Variants in MBOAT7 observed in about 807,000 individuals in gnomAD.
MBOAT7 encodes membrane-bound acylglycerophosphatidylinositol O-acyltransferase MBOAT7.
MBOAT7 carries 40 observed loss-of-function variants against 47.4 expected under a neutral mutation model. The observed-to-expected ratio is 0.84, with a 90% CI of 0.66 to 1.10. The LOEUF (loss-of-function observed/expected upper bound fraction) is 1.10. MBOAT7 is among the 50% of genes least tolerant of loss of function. MBOAT7 has a pLI of 0.00. For missense variants in MBOAT7, 680 were observed against 655.6 expected, an observed-to-expected ratio of 1.04 and a Z score of -0.41; for synonymous variants, 361 against 292.0, an observed-to-expected ratio of 1.24 and a Z score of -2.41.
rs756906134 is a variant in MBOAT7 at position 54,174,079 on chromosome 19, T to TGGGCTGGGATGCTGCCTTCCGC, written c.1362_1383dup (p.Thr462AlafsTer61). ...CGGAGCTTCTCCGGGGCAAGGCTGG[T>TGGGCTGGGATGCTGCCTTCCGC]GGGCTGGGATGCTGCCTTCCGCCGG... On this transcript the variant is annotated frameshift_variant, in exon 8 of 8. Coordinates refer to ENST00000245615, the MANE Select transcript of MBOAT7 (RefSeq NM_024298.5). LOFTEE classifies it high-confidence loss of function. 2.1e-5 allele frequency: 34 copies of TGGGCTGGGATGCTGCCTTCCGC among 1,605,830 alleles called. No individual in the cohort carries two copies. The highest frequency in any genetic ancestry group is 2.7e-5 in the Non-Finnish European group (32 of 1,177,122).
intron 7 of MBOAT7, among the ~76,000 whole-genome samples, chr19:54,177,498 T>G (rs1360361145): frequency 6.6e-6 from 1 of 151,984 alleles, no homozygotes; most frequent in Non-Finnish European, 1.5e-5. Flanking sequence ...GGTTTCACCG[T>G]GTTAGCCAGG....
At chr19:54,174,516 C>A in intron 7 of MBOAT7, 85 bp from the exon 8 acceptor site, 1 of 1,358,338 alleles carries the variant, frequency 7.4e-7, no homozygotes, top group Non-Finnish European at 9.7e-7. Flanking sequence ...AGGACCCCAG[C>A]CCCTCCTCCC....
At chr19:54,179,167 C>T in intron 6 of MBOAT7, 1 of 593,722 alleles carries the variant, frequency 1.7e-6, no homozygotes, top group Non-Finnish European at 2.9e-6. Context: ...CAATGGGGTT[C>T]TTCTTCTTTT....
chr19:54,183,081 A>T (rs2076332959), intron 5 of MBOAT7, among the ~76,000 whole-genome samples: 1 of 152,126 alleles, frequency 6.6e-6, no homozygotes, highest in South Asian at 2.1e-4. Flanking sequence ...GGCCAAGTTG[A>T]TCTTGAACTT....
rs2075984546 is a variant in MBOAT7, at chr19:54,173,830, A to G, written c.*214T>C. 3.7e-6 allele frequency: 2 copies of G among 534,356 alleles called. No individual in the cohort carries two copies. Among genetic ancestry groups the G allele is most frequent in the Non-Finnish European group, 6.4e-6 (2 of 311,872 alleles). 33.1% of individuals were successfully genotyped at this position (534,356 alleles called of 1,614,324 possible). ...AGGGGCCAGTGACTCTTGTCTGGAC[A>G]ATACTTTGATTTTGTAGGAGTGGAG... is the stretch of plus-strand genomic sequence containing the variant. On this transcript the variant is annotated 3_prime_UTR_variant, in exon 8 of 8. Coordinates refer to ENST00000245615, the MANE Select transcript of MBOAT7 (RefSeq NM_024298.5).
chr19:54,183,470 A>G lies in MBOAT7; in HGVS notation c.493+51T>C, dbSNP rs768196544. 3.2e-6 allele frequency: 5 copies of G among 1,582,756 alleles called. No homozygotes were observed. The South Asian group carries it at 4.6e-5, about 15-fold the overall frequency. On this transcript the variant is annotated intron_variant, in intron 5 of 7. Transcript: ENST00000245615. Reference sequence around the variant, plus strand: ...AACACAGAACAGGCACTCAGGGCGGAAGGGGACACAGGAGACAGAGCGGCA... The same window carrying G: ...AACACAGAACAGGCACTCAGGGCGGGAGGGGACACAGGAGACAGAGCGGCA...
At chr19:54,178,539 G>A in intron 7 of MBOAT7, 1 of 1,423,102 alleles carries the variant, frequency 7.0e-7, no homozygotes, top group Non-Finnish European at 9.1e-7. Context: ...TCTGCTGAGT[G>A]AGGCTGACTT....
chr19:54,177,605 T>G (rs145131791), intron 7 of MBOAT7, among the ~76,000 whole-genome samples: 240 of 150,022 alleles, frequency 1.6e-3, no homozygotes, highest in Non-Finnish European at 2.9e-3. Context: ...TATTTTATTT[T>G]ATTTTGAGAC....
chr19:54,180,110 G>GT lies in MBOAT7; in HGVS notation c.854+662dup, dbSNP rs2076221690. On this transcript the variant is annotated intron_variant, in intron 6 of 7. Coordinates refer to ENST00000245615, the MANE Select transcript of MBOAT7 (RefSeq NM_024298.5). The surrounding 1 kb of genome is among the most constrained non-coding windows in gnomAD (Gnocchi z 5.2). Reference sequence around the variant, plus strand: ...GAGGTTTGGCTTCCTTAGCAACAGTGTAACTGTAGTTGGTAGGAATGGCGT... The same window carrying GT: ...GAGGTTTGGCTTCCTTAGCAACAGTGTTAACTGTAGTTGGTAGGAATGGCGT... 1 of 152,202 alleles carries GT rather than the reference G, an allele frequency of 6.6e-6. No individual in the cohort carries two copies. Among genetic ancestry groups the GT allele is most frequent in the South Asian group, 2.1e-4 (1 of 4,834 alleles). The allele number at this position is 152,202 out of a possible 1,614,324, so 9.4% of individuals were successfully genotyped here.
chr19:54,178,391 A>G, intron 7 of MBOAT7: 1 of 1,174,808 alleles, frequency 8.5e-7, no homozygotes, highest in Non-Finnish European at 1.1e-6. Flanking sequence ...CTATGAAACC[A>G]GTAATAAATA....
intron 4 of MBOAT7, among the ~76,000 whole-genome samples, chr19:54,184,159 CTCTTT>C (rs1196988018): frequency 5.9e-5 from 7 of 119,562 alleles, no homozygotes; most frequent in Non-Finnish European, 7.0e-5. Flanking sequence ...TAATCTCTCT[CTCTTT>C]TTTTTTTTTT....
At chr19:54,179,017 C>A in intron 6 of MBOAT7, 76 bp from the exon 7 acceptor site, 4 of 1,552,130 alleles carry the variant, frequency 2.6e-6, no homozygotes, top group Non-Finnish European at 3.5e-6. Flanking sequence ...GCTAGTGTCC[C>A]AGCCCCGGAT....
chr19:54,183,840 C>T lies in MBOAT7; in HGVS notation c.334-160G>A, dbSNP rs148958720. ...ACGCCTCTAGCTGGGCGGTGTTCCCCAGGGCTCAGTCCCAGGCCCTCCTCC... is the reference window on the plus strand; with the variant it reads ...ACGCCTCTAGCTGGGCGGTGTTCCCTAGGGCTCAGTCCCAGGCCCTCCTCC... On this transcript the variant is annotated intron_variant, in intron 4 of 7. Transcript: ENST00000245615. 1.7e-4 allele frequency among the ~76,000 whole-genome samples: 26 copies of T among 152,304 alleles called. 1 individual carries two copies. The highest frequency in any genetic ancestry group is 6.3e-4 in the African/African-American group (26 of 41,562).
At chr19:54,182,043 G>A (rs1448166091) in intron 5 of MBOAT7, among the ~76,000 whole-genome samples, 20 of 146,514 alleles carry the variant, frequency 1.4e-4, no homozygotes, top group Non-Finnish European at 2.3e-4. Context: ...AGGAGGGAAG[G>A]AAGGAAGAAG....
At chr19:54,182,306 C>T (rs1008690882) in intron 5 of MBOAT7, among the ~76,000 whole-genome samples, 5 of 151,658 alleles carry the variant, frequency 3.3e-5, no homozygotes, top group African/African-American at 4.9e-5. Flanking sequence ...CATTTGTAAG[C>T]GCAATGTCCA....
chr19:54,175,079 C>G (rs1170127606), intron 7 of MBOAT7, among the ~76,000 whole-genome samples: 6 of 151,578 alleles, frequency 4.0e-5, no homozygotes, highest in Non-Finnish European at 5.9e-5. Context: ...AGGTTCACGC[C>G]ATTCTCCTGC....
intron 4 of MBOAT7, among the ~76,000 whole-genome samples, chr19:54,184,462 G>C (rs1435915798): frequency 6.6e-6 from 1 of 152,094 alleles, no homozygotes; most frequent in Non-Finnish European, 1.5e-5. Context: ...CTTCCAGCTT[G>C]TGGCTGGGTT....
chr19:54,182,811 C>T (rs1355019874), intron 5 of MBOAT7, among the ~76,000 whole-genome samples: 2 of 150,610 alleles, frequency 1.3e-5, no homozygotes, highest in Non-Finnish European at 2.9e-5. Context: ...AGCGATTCTC[C>T]AGTTTCAGCC....
chr19:54,188,461 G>A lies in MBOAT7; in HGVS notation c.48C>T (p.Ile16=). The change falls in exon 2 of 8, where the codon ATC becomes ATT. Residue 16 remains isoleucine (I), a synonymous_variant. Transcript: ENST00000245615. ...WTYLVVLLIS[I]PIGFLFKKAG... ...CTTTCTTAAAGAGGAAGCCGATGGG[G>A]ATGGAGATAAGAAGAACCACTAGAT... 2 of 1,557,280 alleles carry A rather than the reference G, an allele frequency of 1.3e-6. No homozygotes were observed. Among genetic ancestry groups the A allele is most frequent in the Non-Finnish European group, 1.7e-6 (2 of 1,149,650 alleles).
Sources: gnomAD v4.1 joint callset for allele counts (sites outside exome capture counted in the v4.1 genomes callset) on GRCh38, gnomAD v4.1.1 for gene constraint, Gnocchi (gnomAD v3.1) non-coding constraint, MANE v1.5 for transcripts, NCBI Gene and HGNC (gene_info 2026-07-23, HGNC 2026-07-21) for gene names.